The following CCDC136 variants were observed in gnomAD, a reference collection of about 807,000 sequenced individuals.
CCDC136 encodes the protein coiled-coil domain-containing protein 136.
Under a neutral mutation model 141.2 loss-of-function variants are expected in CCDC136, and 100 were observed. The ratio of observed to expected loss-of-function variants is 0.71; its 90% confidence interval spans 0.60 to 0.84. The LOEUF is 0.84. Ranked by LOEUF, CCDC136 falls within the 40% of genes least tolerant of loss-of-function variation. The probability of loss-of-function intolerance (pLI) is 0.00; values close to 1 mark genes in which losing one functional copy is unlikely to be tolerated. For synonymous variants in CCDC136, 474 were observed against 531.9 expected, an observed-to-expected ratio of 0.89 and a Z score of 1.50; for missense variants, 1,206 against 1,379.4, an observed-to-expected ratio of 0.87 and a Z score of 1.99.
At chr7:128,791,388 G>GC (rs1432451310), upstream of CCDC136, 2 of 770,052 alleles carry the variant, frequency 2.6e-6, no homozygotes, top group Non-Finnish European at 1.8e-6. This position sits in a 1 kb window ranked among gnomAD's most constrained non-coding sequence, Gnocchi z 7.1. Context: ...GCCAGGCCCC[G>GC]CCCCCTCGTC....
In CCDC136 at chr7:128,807,553, T is replaced by C. The variant is rs1333611954; in HGVS notation, c.1605+8T>C. The C allele has an allele frequency of 7.2e-7, 1 of 1,381,540 alleles. No homozygotes were observed. Among genetic ancestry groups the C allele is most frequent in the Admixed American group, 3.0e-5 (1 of 33,744 alleles). 85.6% of individuals were successfully genotyped at this position (1,381,540 alleles called of 1,614,324 possible). A position where few individuals can be genotyped will look rare whatever the true frequency, so the allele number is the denominator to read the frequency against. On this transcript the variant is annotated splice_region_variant and intron_variant, in intron 10 of 17. Coordinates refer to ENST00000297788, the MANE Select transcript of CCDC136 (RefSeq NM_022742.5). ...GGAAAGTGTGCTAATAAGGTAATTG[T>C]CGTTCAGAGAGGTGACAGCTCCTGG...
At chr7:128,792,664 C>G (rs546917824) in intron 1 of CCDC136, among the ~76,000 whole-genome samples, 47 of 152,218 alleles carry the variant, frequency 3.1e-4, no homozygotes, top group African/African-American at 1.1e-3. Flanking sequence ...TTATGTGTCC[C>G]GAGGGAGCTG....
Position 128,812,851 on chromosome 7 carries a change from G to A in CCDC136, c.2685G>A (p.Leu895=). 1 of 1,613,212 alleles carries A rather than the reference G, an allele frequency of 6.2e-7. No homozygotes were observed. The highest frequency in any genetic ancestry group is 8.5e-7 in the Non-Finnish European group (1 of 1,179,692). The change falls in exon 14 of 18, where the codon CTG becomes CTA. Residue 895 remains leucine, a synonymous_variant. Coordinates refer to ENST00000297788, the MANE Select transcript of CCDC136 (RefSeq NM_022742.5). ...AGCAGAAAGACCTGAAGGAAGAGCT[G>A]GATGCCTGTGAAAGGGAGTTCAAGG... ...LAKQKDLKEE[L]DACEREFKEC... is the part of the protein sequence containing the mutation.
In CCDC136 at chr7:128,794,126, T is replaced by G; in HGVS notation, c.17-222T>G. 6 of 621,042 alleles carry G rather than the reference T, an allele frequency of 9.7e-6. No individual in the cohort carries two copies. The highest frequency in any genetic ancestry group is 2.3e-5 in the Admixed American group (1 of 43,972). 38.5% of individuals were successfully genotyped at this position (621,042 alleles called of 1,614,324 possible). On this transcript the variant is annotated intron_variant, in intron 1 of 17. Coordinates refer to ENST00000297788, the MANE Select transcript of CCDC136 (RefSeq NM_022742.5). This position sits in a 1 kb window ranked among gnomAD's most constrained non-coding sequence, Gnocchi z 4.3. ...TGATAGGAGGCTACCAAGTGCAACA[T>G]TGGTCCAGGAAGGGCCTGGGAGGTG...
At position 128,815,879 on chromosome 7, in the gene CCDC136, C is replaced by T. The variant is rs1806542604; in HGVS notation, c.3311C>T (p.Ser1104Phe). ...SEEEEDDADSSLESPEENNPL... is the reference protein window; with the variant it reads ...SEEEEDDADSFLESPEENNPL... ...GAGGAGGAGGATGACGCCGACTCTT[C>T]CCTTGAAAGTCCCGAAGAAAATAAC... Residue 1104 changes from serine (S) to phenylalanine (F), a missense_variant, in exon 16 of 18, where the codon TCC (serine) becomes TTC (phenylalanine). By Grantham distance (155) the Ser-to-Phe change is radical. Transcript: ENST00000297788. The T allele has an allele frequency of 6.2e-7, 1 of 1,613,724 alleles. No individual in the cohort carries two copies.
Position 128,814,647 on chromosome 7 carries a change from C to T in CCDC136, c.2773C>T (p.Leu925=), listed in dbSNP as rs1050335429. The part of the protein sequence containing the change: ...PQNDKNEIKE[L]QTKLRELQLQ... ...CCTCCACTACCAACAGATCAAAGAA[C>T]TGCAGACCAAGCTGCGGGAGCTGCA... Residue 925 remains leucine, a synonymous_variant, in exon 15 of 18, where the codon CTG becomes TTG. Coordinates refer to ENST00000297788, the MANE Select transcript of CCDC136 (RefSeq NM_022742.5). 1 of 1,582,584 alleles carries T rather than the reference C, an allele frequency of 6.3e-7. No homozygotes were observed. Among genetic ancestry groups the T allele is most frequent in the Non-Finnish European group, 8.6e-7 (1 of 1,163,510 alleles).
In CCDC136 at chr7:128,794,158, C is replaced by A; in HGVS notation, c.17-190C>A. 1 of 731,810 alleles carries A rather than the reference C, an allele frequency of 1.4e-6. No homozygotes were observed. Among genetic ancestry groups the A allele is most frequent in the Non-Finnish European group, 2.4e-6 (1 of 419,096 alleles). 45.3% of individuals were successfully genotyped at this position (731,810 alleles called of 1,614,324 possible). A position where few individuals can be genotyped will look rare whatever the true frequency, so the allele number is the denominator to read the frequency against. ...AGGAAGGGCCTGGGAGGTGGAGGGG[C>A]TGCTTCTCAACTTGACTCTCACACC... On this transcript the variant is annotated intron_variant, in intron 1 of 17. Coordinates refer to ENST00000297788, the MANE Select transcript of CCDC136 (RefSeq NM_022742.5). This position sits in a 1 kb window ranked among gnomAD's most constrained non-coding sequence, Gnocchi z 4.3.
chr7:128,808,535 G>A, intron 10 of CCDC136: 1 of 985,344 alleles, frequency 1.0e-6, no homozygotes, highest in Non-Finnish European at 1.2e-6. Flanking sequence ...TTACTGATGG[G>A]AAATGGAAAG....
intron 3 of CCDC136, among the ~76,000 whole-genome samples, chr7:128,798,875 C>T (rs1803530340): frequency 6.6e-6 from 1 of 152,004 alleles, no homozygotes; most frequent in Non-Finnish European, 1.5e-5. Context: ...TAGGATCATT[C>T]TAGAACTGGA....
chr7:128,799,445 T>C (rs1184515907), intron 3 of CCDC136, among the ~76,000 whole-genome samples: 3 of 151,938 alleles, frequency 2.0e-5, no homozygotes, highest in Non-Finnish European at 2.9e-5. Context: ...GCCTTACTTA[T>C]GCATGAATAC....
intron 3 of CCDC136, 93 bp from the exon 4 acceptor site, chr7:128,801,093 C>T: frequency 1.1e-6 from 1 of 885,946 alleles, no homozygotes. Context: ...ACTTTGCAGA[C>T]AAGAAATAAG....
chr7:128,803,815 C>CTTTTT (rs547570254), intron 4 of CCDC136, among the ~76,000 whole-genome samples: 1 of 135,224 alleles, frequency 7.4e-6, no homozygotes, highest in Non-Finnish European at 1.6e-5. Flanking sequence ...GAAAGAATTC[C>CTTTTT]TTTTTTTTTT....
In CCDC136 at chr7:128,815,790, C is replaced by T. The variant is rs368597564; in HGVS notation, c.3222C>T (p.Ser1074=). 1.9e-6 allele frequency: 3 copies of T among 1,590,072 alleles called. No individual in the cohort carries two copies. The highest frequency in any genetic ancestry group is 2.7e-5 in the African/African-American group (2 of 74,102). The change falls in exon 16 of 18, where the codon TCC becomes TCT. Residue 1074 remains serine (S), a synonymous_variant. Transcript: ENST00000297788. The part of the protein sequence containing the change: ...AEPADPEEAK[S]TEDQEENEED... ...CAGCAGATCCTGAGGAAGCTAAATC[C>T]ACAGAAGATCAGGAGGAAAATGAAG... is the stretch of plus-strand genomic sequence containing the variant.
chr7:128,814,092 CT>C lies in CCDC136; in HGVS notation c.2764-534del, dbSNP rs1311663497. On this transcript the variant is annotated intron_variant, in intron 14 of 17. Coordinates refer to ENST00000297788, the MANE Select transcript of CCDC136 (RefSeq NM_022742.5). ...CCATTTAAATCATTGTTTTGACCTT[CT>C]TTTTTTTTTTTGAGACAGAGTCTTG... Among the ~76,000 whole-genome samples, 151 of 145,042 alleles carry C rather than the reference CT, an allele frequency of 1.0e-3. 1 individual carries two copies. Among genetic ancestry groups the C allele is most frequent in the South Asian group, 1.3e-3 (6 of 4,478 alleles).
chr7:128,798,155 G>A (rs528616199), intron 3 of CCDC136, among the ~76,000 whole-genome samples: 2 of 148,856 alleles, frequency 1.3e-5, no homozygotes, highest in South Asian at 4.3e-4. Flanking sequence ...CTGACCTCAT[G>A]ATCCGCCCGC....
At chr7:128,808,823 A>G (rs1202874460) in intron 10 of CCDC136, 1 of 985,310 alleles carries the variant, frequency 1.0e-6, no homozygotes, top group Non-Finnish European at 1.2e-6. Context: ...GGGAAAGGAG[A>G]AGCATGCTGG....
chr7:128,814,713 C>G lies in CCDC136; in HGVS notation c.2839C>G (p.Leu947Val). 1 of 1,613,648 alleles carries G rather than the reference C, an allele frequency of 6.2e-7. No homozygotes were observed. The highest frequency in any genetic ancestry group is 1.1e-5 in the South Asian group (1 of 91,012). ...TAGCATGGATGAGCAGGGGCGGCTTCTGGTAGTGCAGGAGCAGCTGGAGGG... is the reference window on the plus strand; with the variant it reads ...TAGCATGGATGAGCAGGGGCGGCTTGTGGTAGTGCAGGAGCAGCTGGAGGG... Reference protein sequence around the residue: ...QASMDEQGRLLVVQEQLEGQL... With the variant: ...QASMDEQGRLVVVQEQLEGQL... Residue 947 changes from leucine to valine, a missense_variant, in exon 15 of 18, where the codon CTG (leucine) becomes GTG (valine). Transcript: ENST00000297788.
At chr7:128,808,811 A>G in intron 10 of CCDC136, 1 of 985,412 alleles carries the variant, frequency 1.0e-6, no homozygotes, top group Non-Finnish European at 1.2e-6. Context: ...GGGAAAAATG[A>G]TGGGAAAGGA....
rs780842201 is a variant in CCDC136, at chr7:128,817,864, G to A, written c.*5G>A. The A allele has an allele frequency of 1.2e-6, 2 of 1,610,948 alleles. No homozygotes were observed. Among genetic ancestry groups the A allele is most frequent in the Non-Finnish European group, 1.7e-6 (2 of 1,177,302 alleles). On this transcript the variant is annotated splice_region_variant and 3_prime_UTR_variant, in exon 17 of 18. Transcript: ENST00000297788. The surrounding 1 kb of genome is among the most constrained non-coding windows in gnomAD (Gnocchi z 4.6). ...TGGGCTGAGACGTCGTCCTAATGCA[G>A]GTACTGGTATTGCTTCCTCTCCTTC...
Sources: gnomAD v4.1 joint callset for allele counts (sites outside exome capture counted in the v4.1 genomes callset) on GRCh38, gnomAD v4.1.1 for gene constraint, Gnocchi (gnomAD v3.1) non-coding constraint, MANE v1.5 for transcripts, NCBI Gene and HGNC (gene_info 2026-07-23, HGNC 2026-07-21) for gene names.